Variants in GALR1 observed in about 807,000 individuals in gnomAD.
GALR1 encodes the protein galanin receptor type 1.
Under a neutral mutation model 17.9 loss-of-function variants are expected in GALR1, and 11 were observed. The observed-to-expected ratio is 0.62, with a 90% CI of 0.39 to 1.02. GALR1 has a LOEUF of 1.02. Among genes scored for constraint, GALR1 ranks in the 50% least tolerant of loss-of-function variants. GALR1 has a pLI of 0.01. For missense variants in GALR1, 441 were observed against 456.9 expected, an observed-to-expected ratio of 0.97 and a Z score of 0.32; for synonymous variants, 206 against 205.7, an observed-to-expected ratio of 1.00 and a Z score of -0.01.
chr18:77,264,727 G>T (rs538947705), intron 2 of GALR1, among the ~76,000 whole-genome samples: 1 of 152,158 alleles, frequency 6.6e-6, no homozygotes, highest in Non-Finnish European at 1.5e-5. Flanking sequence ...TATGGTGGAA[G>T]GGAAAGCAAA....
chr18:77,267,840 T>C (rs944082724), intron 2 of GALR1, among the ~76,000 whole-genome samples: 2 of 152,180 alleles, frequency 1.3e-5, no homozygotes, highest in African/African-American at 4.8e-5. Context: ...GCCATGGCCA[T>C]GTATACAGGC....
chr18:77,251,600 C>G (rs1480224254), intron 1 of GALR1, among the ~76,000 whole-genome samples: 1 of 152,222 alleles, frequency 6.6e-6, no homozygotes, highest in Non-Finnish European at 1.5e-5. Flanking sequence ...CCGCTCGGTT[C>G]CAGCAACTCT....
At chr18:77,252,866 C>CCAT (rs1912454896) in intron 1 of GALR1, among the ~76,000 whole-genome samples, 4 of 99,534 alleles carry the variant, frequency 4.0e-5, no homozygotes, top group South Asian at 3.4e-4. Context: ...ACCACCACCA[C>CCAT]CACCACCACC....
In GALR1 at chr18:77,268,833, C is replaced by G; in HGVS notation, c.981C>G (p.His327Gln). 1.2e-6 allele frequency: 2 copies of G among 1,613,830 alleles called. No individual in the cohort carries two copies. Among genetic ancestry groups the G allele is most frequent in the Non-Finnish European group, 1.7e-6 (2 of 1,179,770 alleles). Reference protein sequence around the residue: ...VFKCHIRKDSHLSDTKESKSR... With the variant: ...VFKCHIRKDSQLSDTKESKSR... ...AGTGTCACATTCGCAAAGATTCACA[C>G]CTGAGTGATACTAAAGAAAGTAAAA... The change falls in exon 3 of 3, where the codon CAC becomes CAG. Residue 327 changes from histidine (H) to glutamine (Q), a missense_variant. His to Gln is a conservative substitution (Grantham distance 24). Transcript: ENST00000299727.
intron 2 of GALR1, among the ~76,000 whole-genome samples, chr18:77,258,977 G>C (rs1486110952): frequency 1.6e-5 from 2 of 124,558 alleles, no homozygotes; most frequent in Non-Finnish European, 3.4e-5. Flanking sequence ...CGATTGTGGT[G>C]ATGGTGGTGG....
intron 2 of GALR1, among the ~76,000 whole-genome samples, chr18:77,259,018 T>G (rs886919350): frequency 3.0e-4 from 5 of 16,396 alleles, no homozygotes; most frequent in Non-Finnish European, 7.5e-4. Context: ...GGTGGTGGTG[T>G]TGGTGTTGGT....
chr18:77,259,562 AT>A (rs1415296505), intron 2 of GALR1, among the ~76,000 whole-genome samples: 2 of 136,076 alleles, frequency 1.5e-5, no homozygotes, highest in Non-Finnish European at 3.2e-5. Flanking sequence ...GGTGGTGATG[AT>A]GGTGGTCATG....
intron 1 of GALR1, 124 bp downstream of exon 1, chr18:77,251,338 C>A: frequency 7.2e-7 from 1 of 1,394,756 alleles, no homozygotes; most frequent in Non-Finnish European, 9.5e-7. Context: ...GTGGTCCCCA[C>A]TCTGGCGGCG....
At chr18:77,266,624 G>T (rs2144966754) in intron 2 of GALR1, among the ~76,000 whole-genome samples, 1 of 152,352 alleles carries the variant, frequency 6.6e-6, no homozygotes, top group South Asian at 2.1e-4. Flanking sequence ...CTGACTCACA[G>T]TTACACAGGG....
At chr18:77,254,651 G>A (rs1342142344) in intron 1 of GALR1, among the ~76,000 whole-genome samples, 1 of 152,186 alleles carries the variant, frequency 6.6e-6, no homozygotes, top group Non-Finnish European at 1.5e-5. Flanking sequence ...CTTGGGCAGG[G>A]TCCTGCCTCC....
chr18:77,267,855 G>A (rs1040101725), intron 2 of GALR1, among the ~76,000 whole-genome samples: 12 of 152,186 alleles, frequency 7.9e-5, no homozygotes, highest in African/African-American at 1.4e-4. Flanking sequence ...ACAGGCACAT[G>A]CTTGTTGAGC....
chr18:77,259,012 GTGGTGT>G (rs775852385), intron 2 of GALR1, among the ~76,000 whole-genome samples: 1,959 of 32,648 alleles, frequency 0.06, 173 homozygotes, highest in Non-Finnish European at 0.1. Flanking sequence ...CACAGTGGTG[GTGGTGT>G]TGGTGTTGGT....
At chr18:77,265,650 T>C (rs184493629) in intron 2 of GALR1, among the ~76,000 whole-genome samples, 24 of 152,332 alleles carry the variant, frequency 1.6e-4, no homozygotes, top group Non-Finnish European at 3.5e-4. Flanking sequence ...TGCCTGGGCA[T>C]CCAAGCATTT....
Position 77,268,522 on chromosome 18 carries a change from C to A in GALR1, c.733-63C>A. The A allele has an allele frequency of 2.8e-6, 3 of 1,084,094 alleles. 1 individual carries two copies. The highest frequency in any genetic ancestry group is 4.1e-6 in the Non-Finnish European group (3 of 735,652). 67.2% of individuals were successfully genotyped at this position (1,084,094 alleles called of 1,614,324 possible). ...TGTGTTGTAATCAATGAATTTCCTT[C>A]CTTCTTCTTCTCCCTTACCGCCTCC... On this transcript the variant is annotated intron_variant, in intron 2 of 2. Coordinates refer to ENST00000299727, the MANE Select transcript of GALR1 (RefSeq NM_001480.4).
chr18:77,264,257 G>T (rs1356590519), intron 2 of GALR1, among the ~76,000 whole-genome samples: 1 of 151,722 alleles, frequency 6.6e-6, no homozygotes, highest in Non-Finnish European at 1.5e-5. Flanking sequence ...TGAGGTCCAT[G>T]CAGGATCACT....
Position 77,256,236 on chromosome 18 carries a change from A to T in GALR1, c.732+13A>T. On this transcript the variant is annotated intron_variant, in intron 2 of 2. Coordinates refer to ENST00000299727, the MANE Select transcript of GALR1 (RefSeq NM_001480.4). ...ATCCAAGAAAAAGGTAATGATCACAAATATATATATATATGTTACTTTTCA... is the reference window on the plus strand; with the variant it reads ...ATCCAAGAAAAAGGTAATGATCACATATATATATATATATGTTACTTTTCA... 3.0e-5 allele frequency: 39 copies of T among 1,319,792 alleles called. No individual in the cohort carries two copies. The highest frequency in any genetic ancestry group is 3.8e-5 in the Non-Finnish European group (35 of 920,146). 81.8% of individuals were successfully genotyped at this position (1,319,792 alleles called of 1,614,324 possible).
In GALR1 at chr18:77,250,718, T is replaced by G; in HGVS notation, c.170T>G (p.Val57Gly). 1 of 1,613,700 alleles carries G rather than the reference T, an allele frequency of 6.2e-7. No individual in the cohort carries two copies. Among genetic ancestry groups the G allele is most frequent in the Non-Finnish European group, 8.5e-7 (1 of 1,179,962 alleles). ...GVLGNSLVIT[V>G]LARSKPGKPR... ...CTGGGCAACAGCCTAGTGATCACCG[T>G]GCTGGCGCGCAGCAAGCCGGGCAAG... Residue 57 changes from valine to glycine, a missense_variant, in exon 1 of 3, where the codon GTG becomes GGG. Val to Gly is a moderately radical substitution (Grantham distance 109). Transcript: ENST00000299727.
intron 2 of GALR1, among the ~76,000 whole-genome samples, chr18:77,267,131 G>A (rs144897807): frequency 4.6e-5 from 7 of 152,232 alleles, no homozygotes; most frequent in African/African-American, 1.4e-4. Flanking sequence ...TGAAGCCATC[G>A]AACAGAGGAG....
intron 1 of GALR1, among the ~76,000 whole-genome samples, chr18:77,253,101 C>G (rs1462772585): frequency 6.6e-6 from 1 of 151,082 alleles, no homozygotes; most frequent in Non-Finnish European, 1.5e-5. Flanking sequence ...TCTAGCTTAG[C>G]TATTTGGAAA....
Sources: gnomAD v4.1 joint callset for allele counts (sites outside exome capture counted in the v4.1 genomes callset) on GRCh38, gnomAD v4.1.1 for gene constraint, MANE v1.5 for transcripts, NCBI Gene and HGNC (gene_info 2026-07-23, HGNC 2026-07-21) for gene names.